Variants in AGMO observed in about 807,000 individuals in gnomAD.
The protein encoded by AGMO is alkylglycerol monooxygenase.
In AGMO, 75 loss-of-function variants were observed where a neutral mutation model predicts 60.2. That is an observed-to-expected ratio of 1.25 (90% CI 1.03 to 1.51). The LOEUF is 1.51. Ranked by LOEUF, AGMO falls within the 40% of genes most tolerant of loss-of-function variation. AGMO has a pLI of 0.00. For missense variants in AGMO, 763 were observed against 525.5 expected (o/e 1.45, Z -4.42); for synonymous variants, 261 against 177.1 (o/e 1.47, Z -3.76).
chr7:15,369,813 A>G (rs1366296982), intron 10 of AGMO, among the ~76,000 whole-genome samples: 2 of 152,184 alleles, frequency 1.3e-5, no homozygotes, highest in Admixed American at 6.6e-5. Flanking sequence ...TGAAAGACTG[A>G]TAAAATGTTT....
In AGMO at chr7:15,560,242, C is replaced by A. The variant is rs757586043; in HGVS notation, c.156G>T (p.Leu52=). ...KATPFFISLM[L]LELVVSWILK... ...GAATCCAGCTGACAACAAGTTCAAGCAGCATCAAAGAAATGAAAAATGGAG... is the reference window on the plus strand; with the variant it reads ...GAATCCAGCTGACAACAAGTTCAAGAAGCATCAAAGAAATGAAAAATGGAG... The change falls in exon 2 of 13, where the codon CTG becomes CTT. Residue 52 remains leucine (L), a synonymous_variant. Coordinates refer to ENST00000342526, the MANE Select transcript of AGMO (RefSeq NM_001004320.2). 6.2e-7 allele frequency: 1 copy of A among 1,612,488 alleles called. No individual in the cohort carries two copies. Among genetic ancestry groups the A allele is most frequent in the Non-Finnish European group, 8.5e-7 (1 of 1,178,940 alleles).
the AGMO span, among the ~76,000 whole-genome samples, chr7:15,127,020 C>T: frequency 6.6e-6 from 1 of 152,122 alleles, no homozygotes; most frequent in Admixed American, 6.6e-5. Flanking sequence ...AATTGTCAAC[C>T]AGAAAATGTG....
chr7:15,135,147 T>C, the AGMO span, among the ~76,000 whole-genome samples: 1 of 134,194 alleles, frequency 7.5e-6, no homozygotes, highest in Non-Finnish European at 1.6e-5. Flanking sequence ...CTAATCAAAA[T>C]TTATTTATAT....
intron 12 of AGMO, among the ~76,000 whole-genome samples, chr7:15,234,493 A>G (rs950065585): frequency 6.6e-6 from 1 of 152,032 alleles, no homozygotes; most frequent in Non-Finnish European, 1.5e-5. Flanking sequence ...TTACAAAACA[A>G]CTCTTAATGA....
intron 12 of AGMO, among the ~76,000 whole-genome samples, chr7:15,271,971 T>C (rs1394509112): frequency 6.6e-6 from 1 of 152,196 alleles, no homozygotes; most frequent in Admixed American, 6.5e-5. Flanking sequence ...GTCACATTTA[T>C]TGATTTGCAT....
intron 3 of AGMO, among the ~76,000 whole-genome samples, chr7:15,472,264 G>A (rs557173232): frequency 2.6e-5 from 4 of 151,954 alleles, no homozygotes; most frequent in African/African-American, 4.8e-5. Flanking sequence ...TCATGCAATG[G>A]TTGATTTTCT....
intron 12 of AGMO, among the ~76,000 whole-genome samples, chr7:15,297,878 C>A (rs559041261): frequency 6.6e-6 from 1 of 152,124 alleles, no homozygotes; most frequent in South Asian, 2.1e-4. Context: ...ACATAAAATC[C>A]AAATAGCCAG....
intron 2 of AGMO, among the ~76,000 whole-genome samples, chr7:15,558,015 CT>C: frequency 6.7e-6 from 1 of 150,250 alleles, no homozygotes; most frequent in Non-Finnish European, 1.5e-5. Flanking sequence ...CTCTCTCTCT[CT>C]CTCCCCCCTT....
intron 3 of AGMO, among the ~76,000 whole-genome samples, chr7:15,524,537 CA>C (rs1784075173): frequency 6.6e-6 from 1 of 151,992 alleles, no homozygotes. Flanking sequence ...TTTATTGAAT[CA>C]GTTTGGATAT....
intron 12 of AGMO, among the ~76,000 whole-genome samples, chr7:15,210,452 C>T (rs1176624732): frequency 1.3e-5 from 2 of 152,018 alleles, no homozygotes; most frequent in East Asian, 1.9e-4. Flanking sequence ...TATGTATTCA[C>T]TTTCTGGATT....
chr7:15,498,206 A>G (rs1343658661), intron 3 of AGMO, among the ~76,000 whole-genome samples: 1 of 152,076 alleles, frequency 6.6e-6, no homozygotes, highest in Non-Finnish European at 1.5e-5. Flanking sequence ...AAAAGAAATT[A>G]TTACAATTAC....
intron 10 of AGMO, among the ~76,000 whole-genome samples, chr7:15,379,573 G>A (rs535879668): frequency 1.3e-5 from 2 of 151,974 alleles, no homozygotes; most frequent in African/African-American, 4.8e-5. Flanking sequence ...AAACCCTAAA[G>A]AGAACAATAG....
the AGMO span, among the ~76,000 whole-genome samples, chr7:15,169,696 C>T: frequency 6.6e-6 from 1 of 152,134 alleles, no homozygotes; most frequent in Non-Finnish European, 1.5e-5. Flanking sequence ...CTCAGCCTCC[C>T]AAAGTGCTGG....
intron 9 of AGMO, among the ~76,000 whole-genome samples, chr7:15,386,024 T>TA (rs797008934): frequency 1.2e-4 from 18 of 151,872 alleles, no homozygotes; most frequent in African/African-American, 4.1e-4. Flanking sequence ...CTACCAGTAA[T>TA]AAAAAAATTA....
rs1462419639 is a variant in AGMO, at chr7:15,299,859, ACAC to A, written c.1263+65652_1263+65654del. Among the ~76,000 whole-genome samples, 9 of 150,906 alleles carry A rather than the reference ACAC, an allele frequency of 6.0e-5. No homozygotes were observed. In the South Asian group the frequency reaches 1.9e-3, roughly 32 times the overall value. On this transcript the variant is annotated intron_variant, in intron 12 of 12. Coordinates refer to ENST00000342526, the MANE Select transcript of AGMO (RefSeq NM_001004320.2). Reference sequence around the variant, plus strand: ...CACACACACACACACACACACACACACACACACACACACACACACACACACACA... The same window carrying A: ...CACACACACACACACACACACACACAACACACACACACACACACACACACA...
intron 12 of AGMO, among the ~76,000 whole-genome samples, chr7:15,292,500 G>A (rs1784292845): frequency 6.6e-6 from 1 of 152,146 alleles, no homozygotes; most frequent in Non-Finnish European, 1.5e-5. Flanking sequence ...TGCAAAATAT[G>A]AGGACGACTA....
At chr7:15,151,540 TTC>T in the AGMO span, among the ~76,000 whole-genome samples, 3 of 152,288 alleles carry the variant, frequency 2.0e-5, no homozygotes, top group South Asian at 4.1e-4. Flanking sequence ...AAGAATTTTT[TTC>T]TGTTTTAATT....
intron 3 of AGMO, among the ~76,000 whole-genome samples, chr7:15,491,980 C>A (rs1300115449): frequency 2.0e-5 from 3 of 152,150 alleles, no homozygotes; most frequent in Non-Finnish European, 2.9e-5. Context: ...ATTCGCAGTG[C>A]AGTTTGAAAG....
At chr7:15,162,342 G>A in the AGMO span, among the ~76,000 whole-genome samples, 1 of 152,256 alleles carries the variant, frequency 6.6e-6, no homozygotes, top group Middle Eastern at 3.4e-3. Flanking sequence ...GTAGGTTTCT[G>A]TATGATCTAA....
Sources: gnomAD v4.1 joint callset for allele counts (sites outside exome capture counted in the v4.1 genomes callset) on GRCh38, gnomAD v4.1.1 for gene constraint, MANE v1.5 for transcripts, NCBI Gene and HGNC (gene_info 2026-07-23, HGNC 2026-07-21) for gene names.